Variants in A1CF observed in about 807,000 individuals in gnomAD.
A1CF encodes APOBEC1 complementation factor.
Under a neutral mutation model 68.9 loss-of-function variants are expected in A1CF, and 48 were observed. That is an observed-to-expected ratio of 0.70 (90% CI 0.55 to 0.89). A1CF has a LOEUF of 0.89. Ranked by LOEUF, A1CF falls within the 40% of genes least tolerant of loss-of-function variation. A1CF has a pLI of 0.00. For missense variants in A1CF, 653 were observed against 718.9 expected (o/e 0.91, Z 1.05); for synonymous variants, 272 against 260.4 (o/e 1.04, Z -0.43).
In A1CF at chr10:50,804,790, G is replaced by A. The variant is rs1837746034; in HGVS notation, c.*1939C>T. On this transcript the variant is annotated 3_prime_UTR_variant, in exon 13 of 13. Transcript: ENST00000373997. ...AAATAAAAAGGAAAAGAAATAAAGA[G>A]ATAGAGTATAAATACAAGAATATAG... The A allele has an allele frequency of 6.6e-6, 1 of 152,132 alleles. No individual in the cohort carries two copies. Among genetic ancestry groups the A allele is most frequent in the Non-Finnish European group, 1.5e-5 (1 of 68,010 alleles). The allele number at this position is 152,132 out of a possible 1,614,324, so 9.4% of individuals were successfully genotyped here.
chr10:50,855,399 A>G (rs1290070473), intron 3 of A1CF, among the ~76,000 whole-genome samples: 1 of 151,992 alleles, frequency 6.6e-6, no homozygotes, highest in Non-Finnish European at 1.5e-5. Flanking sequence ...AAATATTTTT[A>G]TAAGGCATAA....
intron 3 of A1CF, among the ~76,000 whole-genome samples, chr10:50,855,240 C>G (rs1199030501): frequency 1.3e-5 from 2 of 151,524 alleles, no homozygotes; most frequent in Non-Finnish European, 3.0e-5. Flanking sequence ...TTTTTTTTGT[C>G]TTTAGCTATC....
intron 3 of A1CF, among the ~76,000 whole-genome samples, chr10:50,846,119 CT>C (rs1839989553): frequency 6.6e-6 from 1 of 152,086 alleles, no homozygotes; most frequent in African/African-American, 2.4e-5. Flanking sequence ...AAATTCAAAA[CT>C]TTTCAGTGCC....
rs1336359281 is a variant in A1CF, at chr10:50,804,846, C to T, written c.*1883G>A. 4 of 152,054 alleles carry T rather than the reference C, an allele frequency of 2.6e-5. No homozygotes were observed. The highest frequency in any genetic ancestry group is 5.9e-5 in the Non-Finnish European group (4 of 67,996). The allele number at this position is 152,054 out of a possible 1,614,324, so 9.4% of individuals were successfully genotyped here. Reference sequence around the variant, plus strand: ...CCCAAACCTAGGTGCACATTGAAATCACCTAGGGATCATTAAAAAATACTG... The same window carrying T: ...CCCAAACCTAGGTGCACATTGAAATTACCTAGGGATCATTAAAAAATACTG... On this transcript the variant is annotated 3_prime_UTR_variant, in exon 13 of 13. Coordinates refer to ENST00000373997, the MANE Select transcript of A1CF (RefSeq NM_014576.4).
At chr10:50,871,348 A>G (rs1841258635) in intron 1 of A1CF, among the ~76,000 whole-genome samples, 2 of 151,938 alleles carry the variant, frequency 1.3e-5, no homozygotes, top group African/African-American at 2.4e-5. Context: ...AAACCTATAT[A>G]AAAAAATGAT....
chr10:50,811,256 A>G, intron 10 of A1CF, 80 bp from the exon 11 acceptor site: 1 of 1,411,926 alleles, frequency 7.1e-7, no homozygotes, highest in Non-Finnish European at 9.6e-7. Context: ...TTTAAACTCT[A>G]ATTTTCAGAG....
intron 3 of A1CF, among the ~76,000 whole-genome samples, chr10:50,849,447 G>T (rs72787052): frequency 6.6e-6 from 1 of 152,224 alleles, no homozygotes; most frequent in Non-Finnish European, 1.5e-5. Flanking sequence ...TGTTCCTAAA[G>T]TAGGAAGAAT....
chr10:50,842,999 C>A lies in A1CF; in HGVS notation c.234+989G>T, dbSNP rs546995278. ...CTGTCCTGCAGCAATCTAGACTGAG[C>A]AATTTACTATCACTGGCTGCTTTAA... On this transcript the variant is annotated intron_variant, in intron 4 of 12. Transcript: ENST00000373997. Among the ~76,000 whole-genome samples the A allele has an allele frequency of 8.5e-5, 13 of 152,316 alleles. No individual in the cohort carries two copies. In the East Asian group the frequency reaches 2.1e-3, roughly 25 times the overall value.
In A1CF at chr10:50,811,062, G is replaced by A. The variant is rs911935060; in HGVS notation, c.1438C>T (p.Leu480=). ...CACATTGCAGGATTCTGGCTGGCTAGAGCAGGAATAGTTATTTTGTACAAG... is the reference window on the plus strand; with the variant it reads ...CACATTGCAGGATTCTGGCTGGCTAAAGCAGGAATAGTTATTTTGTACAAG... ...LFLYKITIPA[L]ASQNPAIHPF... Residue 480 remains leucine, a synonymous_variant, in exon 11 of 13, where the codon CTA becomes TTA. Transcript: ENST00000373997. 1.2e-6 allele frequency: 2 copies of A among 1,613,328 alleles called. No individual in the cohort carries two copies. Among genetic ancestry groups the A allele is most frequent in the Non-Finnish European group, 1.7e-6 (2 of 1,179,492 alleles).
At chr10:50,866,929 G>T (rs556930700) in intron 1 of A1CF, among the ~76,000 whole-genome samples, 1 of 151,972 alleles carries the variant, frequency 6.6e-6, no homozygotes, top group South Asian at 2.1e-4. Context: ...TGCCCAGGTT[G>T]GTCTCGAACT....
intron 8 of A1CF, among the ~76,000 whole-genome samples, chr10:50,817,890 C>T (rs1345721989): frequency 6.6e-6 from 1 of 152,064 alleles, no homozygotes; most frequent in African/African-American, 2.4e-5. Flanking sequence ...CTGTATAGCC[C>T]AAGCTTAGTA....
At chr10:50,819,251 G>T (rs1237768022) in intron 8 of A1CF, among the ~76,000 whole-genome samples, 3 of 151,964 alleles carry the variant, frequency 2.0e-5, no homozygotes, top group Non-Finnish European at 2.9e-5. Context: ...TCAGCCCCCG[G>T]AGTAGCTGGG....
intron 3 of A1CF, among the ~76,000 whole-genome samples, chr10:50,847,218 A>G (rs1319439564): frequency 1.3e-5 from 2 of 152,240 alleles, no homozygotes; most frequent in African/African-American, 4.8e-5. Context: ...GAGAATGTTT[A>G]TTAAACTCTG....
intron 1 of A1CF, among the ~76,000 whole-genome samples, chr10:50,873,657 C>T (rs1312420760): frequency 3.3e-5 from 5 of 152,130 alleles, no homozygotes; most frequent in African/African-American, 9.7e-5. Flanking sequence ...AGGAGTAATG[C>T]TGATACAACT....
intron 1 of A1CF, among the ~76,000 whole-genome samples, chr10:50,866,423 C>T (rs1444696476): frequency 1.3e-5 from 2 of 152,154 alleles, no homozygotes; most frequent in Admixed American, 6.5e-5. Context: ...TAGCTCACCT[C>T]GTCACTTGGC....
At chr10:50,879,928 A>C (rs144978047) in intron 1 of A1CF, among the ~76,000 whole-genome samples, 8 of 152,322 alleles carry the variant, frequency 5.3e-5, no homozygotes, top group African/African-American at 1.2e-4. Context: ...ACAGCAAGGA[A>C]GGTGAGACTT....
chr10:50,835,729 C>T (rs1189332243), intron 6 of A1CF, among the ~76,000 whole-genome samples: 1 of 152,088 alleles, frequency 6.6e-6, no homozygotes, highest in Non-Finnish European at 1.5e-5. Flanking sequence ...GGAGAATATA[C>T]CCTAATTCTA....
intron 7 of A1CF, among the ~76,000 whole-genome samples, chr10:50,826,217 A>G (rs959175104): frequency 7.2e-5 from 11 of 152,306 alleles, no homozygotes; most frequent in African/African-American, 2.6e-4. Context: ...TTAGTGAAGA[A>G]AATAGATATT....
intron 8 of A1CF, among the ~76,000 whole-genome samples, chr10:50,818,137 C>T (rs926669342): frequency 6.6e-6 from 1 of 152,116 alleles, no homozygotes; most frequent in Non-Finnish European, 1.5e-5. Context: ...TCCATTCCTA[C>T]CTAAGTTCAA....
Sources: allele counts gnomAD v4.1 joint callset (sites outside exome capture counted in the v4.1 genomes callset), GRCh38; gene constraint gnomAD v4.1.1; transcripts MANE v1.5; gene names NCBI Gene and HGNC (gene_info 2026-07-23, HGNC 2026-07-21).